Variants in TBL1XR1 observed in about 807,000 individuals in gnomAD.
The protein encoded by TBL1XR1 is TBL1X/Y related 1.
Under a neutral mutation model 66.9 loss-of-function variants are expected in TBL1XR1, and 5 were observed. The observed-to-expected ratio is 0.07, with a 90% CI of 0.04 to 0.16. The LOEUF is 0.16. Ranked by LOEUF, TBL1XR1 falls within the 10% of genes least tolerant of loss-of-function variation. TBL1XR1 has a pLI of 1.00. For missense variants in TBL1XR1, 238 were observed against 623.2 expected, an observed-to-expected ratio of 0.38 and a Z score of 6.58; for synonymous variants, 210 against 206.0, an observed-to-expected ratio of 1.02 and a Z score of -0.17.
intron 2 of TBL1XR1, among the ~76,000 whole-genome samples, chr3:177,083,010 G>A (rs1161524346): frequency 3.3e-5 from 5 of 151,084 alleles, no homozygotes; most frequent in African/African-American, 4.9e-5. Flanking sequence ...CATCCGTCTC[G>A]GCCTCCAAAG....
intron 1 of TBL1XR1, among the ~76,000 whole-genome samples, chr3:177,152,218 C>CT (rs896482035): frequency 3.3e-5 from 5 of 152,290 alleles, no homozygotes; most frequent in Non-Finnish European, 7.4e-5. Flanking sequence ...TCCACGGAAC[C>CT]TTTTAAGTTG....
At chr3:177,167,309 G>A (rs1227105952) in intron 1 of TBL1XR1, among the ~76,000 whole-genome samples, 1 of 152,202 alleles carries the variant, frequency 6.6e-6, no homozygotes, top group African/African-American at 2.4e-5. Context: ...TATGGAGGCA[G>A]CCAGAAGGTT....
chr3:177,172,508 A>G (rs1733651326), intron 1 of TBL1XR1, among the ~76,000 whole-genome samples: 1 of 151,976 alleles, frequency 6.6e-6, no homozygotes, highest in Non-Finnish European at 1.5e-5. Context: ...CTCTAATCCC[A>G]GCATTTTGGG....
chr3:177,161,598 C>T (rs1320931166), intron 1 of TBL1XR1, among the ~76,000 whole-genome samples: 1 of 151,976 alleles, frequency 6.6e-6, no homozygotes, highest in African/African-American at 2.4e-5. Context: ...GCCTGGCCAA[C>T]TTGGTGAAAC....
chr3:177,061,624 C>T (rs1718526133), intron 3 of TBL1XR1, among the ~76,000 whole-genome samples: 1 of 152,202 alleles, frequency 6.6e-6, no homozygotes, highest in African/African-American at 2.4e-5. Flanking sequence ...TTTCTGCTGT[C>T]TCCTAATCCA....
At chr3:177,134,201 C>T (rs1187431119) in intron 1 of TBL1XR1, among the ~76,000 whole-genome samples, 1 of 152,154 alleles carries the variant, frequency 6.6e-6, no homozygotes, top group Non-Finnish European at 1.5e-5. Context: ...TTTGTTAATT[C>T]AATGAACTTC....
chr3:177,021,171 T>C lies in TBL1XR1; in HGVS notation c.*4327A>G, dbSNP rs934537716. On this transcript the variant is annotated 3_prime_UTR_variant, in exon 16 of 16. Coordinates refer to ENST00000457928, the MANE Select transcript of TBL1XR1 (RefSeq NM_024665.7). ...CCCAAAGGATTTGTAAAAACAAAAA[T>C]GGAAACAGTATAGCTACAATGTCAA... The C allele has an allele frequency of 1.3e-5, 2 of 152,270 alleles. No homozygotes were observed. The highest frequency in any genetic ancestry group is 6.6e-5 in the Admixed American group (1 of 15,258). 9.4% of individuals were successfully genotyped at this position (152,270 alleles called of 1,614,324 possible).
In TBL1XR1 at chr3:177,047,393, G is replaced by A; in HGVS notation, c.771C>T (p.Asn257=). 1 of 1,584,290 alleles carries A rather than the reference G, an allele frequency of 6.3e-7. No individual in the cohort carries two copies. The highest frequency in any genetic ancestry group is 8.6e-7 in the Non-Finnish European group (1 of 1,164,052). The change falls in exon 9 of 16, where the codon AAC becomes AAT. Residue 257 remains asparagine (N), a synonymous_variant. Coordinates refer to ENST00000457928, the MANE Select transcript of TBL1XR1 (RefSeq NM_024665.7). ...TATGCTGCCCTAAGGTGCTAGCAAG[G>A]TTACCTAAAATGCAAAAGAAAAACA... is the stretch of plus-strand genomic sequence containing the variant. ...GFARIWTKDG[N]LASTLGQHKG... is the part of the protein sequence containing the mutation.
At chr3:177,142,391 A>C (rs888015527) in intron 1 of TBL1XR1, among the ~76,000 whole-genome samples, 1 of 152,196 alleles carries the variant, frequency 6.6e-6, no homozygotes, top group Admixed American at 6.5e-5. Flanking sequence ...GTTCTGCAGA[A>C]ATTTCTAGAA....
intron 1 of TBL1XR1, among the ~76,000 whole-genome samples, chr3:177,117,282 C>T (rs1726419671): frequency 6.6e-6 from 1 of 152,128 alleles, no homozygotes; most frequent in Admixed American, 6.5e-5. Flanking sequence ...AGCTGCGAAG[C>T]AATGAAACTA....
rs1715114156 is a variant in TBL1XR1, at chr3:177,038,446, C to A, written c.926-12G>T. 2.0e-6 allele frequency: 3 copies of A among 1,517,182 alleles called. No individual in the cohort carries two copies. The highest frequency in any genetic ancestry group is 2.7e-6 in the Non-Finnish European group (3 of 1,130,264). 94.0% of individuals were successfully genotyped at this position (1,517,182 alleles called of 1,614,324 possible). On this transcript the variant is annotated splice_polypyrimidine_tract_variant and intron_variant, in intron 10 of 15. Coordinates refer to ENST00000457928, the MANE Select transcript of TBL1XR1 (RefSeq NM_024665.7). ...ATCCAATGCTGGTGCTGCAAAGGAA[C>A]AAAGGTTAGATTTGCTTTTATTCCA...
intron 2 of TBL1XR1, among the ~76,000 whole-genome samples, chr3:177,067,911 A>C (rs1719381657): frequency 1.3e-5 from 2 of 152,170 alleles, no homozygotes; most frequent in Admixed American, 6.5e-5. Context: ...TGCCCGCATG[A>C]GTACTAAATA....
At position 177,171,743 on chromosome 3, in the gene TBL1XR1, G is replaced by A. The variant is rs559198170; in HGVS notation, c.-122+25378C>T. ...AAAAAAAAAAGTTTGCTGTGATTCC[G>A]AAAAAAGAAATCCAGGGCTTTTTGG... On this transcript the variant is annotated intron_variant, in intron 1 of 15. Transcript: ENST00000457928. 6.6e-3 allele frequency among the ~76,000 whole-genome samples: 925 copies of A among 140,010 alleles called. 9 individuals are homozygous for A. Among genetic ancestry groups the A allele is most frequent in the African/African-American group, 0.023 (867 of 38,330 alleles). 91.9% of individuals were successfully genotyped at this position (140,010 alleles called of 152,430 possible). A position where few individuals can be genotyped will look rare whatever the true frequency, so the allele number is the denominator to read the frequency against.
rs561970502 is a variant in TBL1XR1, at chr3:177,094,135, AAAAC to A, written c.-46+4327_-46+4330del. 4.6e-4 allele frequency among the ~76,000 whole-genome samples: 70 copies of A among 152,352 alleles called. 2 individuals are homozygous for A. The South Asian group carries it at 0.014, about 31-fold the overall frequency. On this transcript the variant is annotated intron_variant, in intron 2 of 15. Transcript: ENST00000457928. Reference sequence around the variant, plus strand: ...GGAACTCAAACAAAGCAGCAAGAAAAAAACAAATAATCCTATAAAAAAGTGGGCT... The same window carrying A: ...GGAACTCAAACAAAGCAGCAAGAAAAAAATAATCCTATAAAAAAGTGGGCT...
At chr3:177,036,866 A>C (rs1323714009) in intron 12 of TBL1XR1, among the ~76,000 whole-genome samples, 2 of 152,246 alleles carry the variant, frequency 1.3e-5, no homozygotes, top group African/African-American at 4.8e-5. Context: ...TTGGTACTGC[A>C]AAGTCAAGGA....
intron 1 of TBL1XR1, among the ~76,000 whole-genome samples, chr3:177,134,945 C>CTG (rs10662042): frequency 0.021 from 2,682 of 129,188 alleles, 33 homozygotes; most frequent in Middle Eastern, 0.039. Flanking sequence ...CACTGCAAGG[C>CTG]TGTGTGTGTG....
At chr3:177,185,093 G>A (rs990338159) in intron 1 of TBL1XR1, among the ~76,000 whole-genome samples, 5 of 151,742 alleles carry the variant, frequency 3.3e-5, no homozygotes, top group African/African-American at 1.2e-4. Flanking sequence ...TTTCAAAATG[G>A]TAATAAGAAC....
intron 1 of TBL1XR1, among the ~76,000 whole-genome samples, chr3:177,159,561 T>G (rs1731921945): frequency 6.6e-6 from 1 of 152,198 alleles, no homozygotes; most frequent in South Asian, 2.1e-4. Flanking sequence ...AGTTTTTATA[T>G]CCATTCTCTC....
At chr3:177,066,859 G>T (rs1719232228) in intron 2 of TBL1XR1, among the ~76,000 whole-genome samples, 1 of 152,196 alleles carries the variant, frequency 6.6e-6, no homozygotes, top group Non-Finnish European at 1.5e-5. Context: ...GGAAACCACA[G>T]AGGAAGAGTG....
Sources: allele counts gnomAD v4.1 joint callset (sites outside exome capture counted in the v4.1 genomes callset), GRCh38; gene constraint gnomAD v4.1.1; transcripts MANE v1.5; gene names NCBI Gene and HGNC (gene_info 2026-07-23, HGNC 2026-07-21).